Variants in NMNAT1 observed in about 807,000 individuals in gnomAD.
The protein encoded by NMNAT1 is nicotinamide/nicotinic acid mononucleotide adenylyltransferase 1.
Under a neutral mutation model 16.7 loss-of-function variants are expected in NMNAT1, and 11 were observed. The observed-to-expected ratio is 0.66, with a 90% CI of 0.41 to 1.09. The LOEUF (loss-of-function observed/expected upper bound fraction) is 1.09, where lower values mean the gene tolerates loss of function less well. NMNAT1 is among the 50% of genes least tolerant of loss of function. The pLI is 0.00. For synonymous variants in NMNAT1, 110 were observed against 119.8 expected, an observed-to-expected ratio of 0.92 and a Z score of 0.53; for missense variants, 280 against 332.3, an observed-to-expected ratio of 0.84 and a Z score of 1.22.
upstream of NMNAT1, chr1:9,943,035 G>C: frequency 3.3e-6 from 1 of 306,978 alleles, no homozygotes; most frequent in Admixed American, 3.9e-5. Flanking sequence ...GGTAAGGGCG[G>C]AGAGCACGCC....
chr1:9,958,101 A>G (rs138344664), intron 1 of NMNAT1, among the ~76,000 whole-genome samples: 39 of 152,276 alleles, frequency 2.6e-4, no homozygotes, highest in African/African-American at 9.4e-4. Context: ...TGGCTTTTCA[A>G]AGAAGTGAAG....
chr1:9,993,800 A>T, the NMNAT1 span, among the ~76,000 whole-genome samples: 1 of 152,116 alleles, frequency 6.6e-6, no homozygotes, highest in Non-Finnish European at 1.5e-5. Context: ...GAATGTATGG[A>T]GATAAGGAGA....
intron 1 of NMNAT1, among the ~76,000 whole-genome samples, chr1:9,962,082 T>G (rs1348067697): frequency 6.6e-6 from 1 of 152,036 alleles, no homozygotes; most frequent in Non-Finnish European, 1.5e-5. Context: ...AGTATCTTTC[T>G]TACTTCCATT....
At chr1:9,968,470 T>C (rs937721707) in intron 1 of NMNAT1, among the ~76,000 whole-genome samples, 1 of 150,324 alleles carries the variant, frequency 6.7e-6, no homozygotes, top group Middle Eastern at 3.4e-3. Flanking sequence ...TTAAGATTGA[T>C]TAAAAACTGG....
the NMNAT1 span, among the ~76,000 whole-genome samples, chr1:9,993,856 A>G: frequency 6.6e-6 from 1 of 152,254 alleles, no homozygotes; most frequent in African/African-American, 2.4e-5. Context: ...AGCTGCGTCA[A>G]GTTTCAGATG....
intron 3 of NMNAT1, among the ~76,000 whole-genome samples, chr1:9,978,789 C>T (rs112226729): frequency 6.6e-6 from 1 of 152,204 alleles, no homozygotes; most frequent in Non-Finnish European, 1.5e-5. Flanking sequence ...ATTTGGGTAA[C>T]ATTGCACAGT....
chr1:9,949,410 CTTTTT>C (rs35755485), intron 1 of NMNAT1, among the ~76,000 whole-genome samples: 1 of 118,110 alleles, frequency 8.5e-6, no homozygotes, highest in Non-Finnish European at 1.7e-5. Flanking sequence ...TCTTCCACTG[CTTTTT>C]TTTTTTTTTT....
At position 9,982,817 on chromosome 1, in the gene NMNAT1, G is replaced by T. The variant is rs1490855137; in HGVS notation, c.*116G>T. On this transcript the variant is annotated 3_prime_UTR_variant, in exon 5 of 5. Coordinates refer to ENST00000377205, the MANE Select transcript of NMNAT1 (RefSeq NM_022787.4). ...GCCTAAACTAAAGCTTAAAAGTTTAGTAAAAATCGTCTGGGCACAGTGGCT... is the reference window on the plus strand; with the variant it reads ...GCCTAAACTAAAGCTTAAAAGTTTATTAAAAATCGTCTGGGCACAGTGGCT... 3.1e-5 allele frequency: 36 copies of T among 1,174,800 alleles called. No individual in the cohort carries two copies. The highest frequency in any genetic ancestry group is 4.1e-5 in the Non-Finnish European group (35 of 849,498). The allele number at this position is 1,174,800 out of a possible 1,614,324, so 72.8% of individuals were successfully genotyped here. A position where few individuals can be genotyped will look rare whatever the true frequency, so the allele number is the denominator to read the frequency against.
chr1:9,947,154 G>A (rs1260384022), intron 1 of NMNAT1, among the ~76,000 whole-genome samples: 1 of 152,066 alleles, frequency 6.6e-6, no homozygotes, highest in Non-Finnish European at 1.5e-5. Context: ...CTGAACTCCT[G>A]ATAGTCCCCT....
intron 1 of NMNAT1, among the ~76,000 whole-genome samples, chr1:9,953,059 C>G (rs914620822): frequency 3.3e-5 from 5 of 150,374 alleles, no homozygotes; most frequent in African/African-American, 1.2e-4. Context: ...TGACTCACTG[C>G]AACCTCTGCC....
At chr1:9,980,145 G>A (rs1337470581) in intron 3 of NMNAT1, among the ~76,000 whole-genome samples, 2 of 151,708 alleles carry the variant, frequency 1.3e-5, no homozygotes, top group Admixed American at 6.6e-5. Context: ...TGGTCAGGCT[G>A]TGTCTCGAAC....
At chr1:9,965,315 CAAA>C (rs1183019689) in intron 1 of NMNAT1, among the ~76,000 whole-genome samples, 5 of 51,416 alleles carry the variant, frequency 9.7e-5, no homozygotes, top group Admixed American at 2.1e-4. Flanking sequence ...GACTCCATCT[CAAA>C]AAAAAAAAAA....
At chr1:9,990,462 C>T (rs1293251302), downstream of NMNAT1, among the ~76,000 whole-genome samples, 2 of 152,200 alleles carry the variant, frequency 1.3e-5, no homozygotes, top group African/African-American at 4.8e-5. Flanking sequence ...CTCCTCATCG[C>T]ATCTCACTGG....
the NMNAT1 span, among the ~76,000 whole-genome samples, chr1:9,993,875 A>G: frequency 1.3e-5 from 2 of 152,134 alleles, no homozygotes; most frequent in Non-Finnish European, 2.9e-5. Flanking sequence ...TGCCTTTAAG[A>G]TAGCCAAGTG....
At chr1:9,971,961 CCTTAT>C (rs1641698647) in intron 1 of NMNAT1, 52 bp from the exon 2 acceptor site, 2 of 698,496 alleles carry the variant, frequency 2.9e-6, no homozygotes, top group African/African-American at 1.8e-5. Flanking sequence ...CAGAGCAAGA[CCTTAT>C]CTTAGGGAAA....
intron 1 of NMNAT1, among the ~76,000 whole-genome samples, chr1:9,951,477 G>A (rs1292740240): frequency 1.3e-5 from 2 of 151,158 alleles, no homozygotes; most frequent in African/African-American, 4.9e-5. Flanking sequence ...TGTTGTTGTT[G>A]TTGTTTGTTT....
chr1:9,947,533 C>G (rs1210390223), intron 1 of NMNAT1: 1 of 152,278 alleles, frequency 6.6e-6, no homozygotes, highest in Non-Finnish European at 1.5e-5. Context: ...CGTTCCCCTG[C>G]TAGAACCTCC....
chr1:9,992,265 T>C, the NMNAT1 span, among the ~76,000 whole-genome samples: 3 of 151,898 alleles, frequency 2.0e-5, no homozygotes, highest in African/African-American at 4.8e-5. Flanking sequence ...TTATTTTTTA[T>C]AGAGACAGGA....
At chr1:9,979,630 C>G (rs1041195870) in intron 3 of NMNAT1, among the ~76,000 whole-genome samples, 7 of 151,880 alleles carry the variant, frequency 4.6e-5, no homozygotes, top group Non-Finnish European at 1.0e-4. Context: ...GAAACCCTGT[C>G]TCTACTAAAA....
Sources: gnomAD v4.1 joint callset for allele counts (sites outside exome capture counted in the v4.1 genomes callset) on GRCh38, gnomAD v4.1.1 for gene constraint, MANE v1.5 for transcripts, NCBI Gene and HGNC (gene_info 2026-07-23, HGNC 2026-07-21) for gene names.